Variants in SEMA5A observed in about 807,000 individuals in gnomAD.
SEMA5A encodes the protein semaphorin-5A.
Under a neutral mutation model 135.5 loss-of-function variants are expected in SEMA5A, and 55 were observed. The ratio of observed to expected loss-of-function variants is 0.41; its 90% CI spans 0.33 to 0.51. The LOEUF (loss-of-function observed/expected upper bound fraction) is 0.51, where lower values mean the gene tolerates loss of function less well. Ranked by LOEUF, SEMA5A falls within the 20% of genes least tolerant of loss-of-function variation. The pLI, the probability that SEMA5A is intolerant of heterozygous loss-of-function variation, is 0.37. For synonymous variants in SEMA5A, 580 were observed against 546.5 expected (o/e 1.06, Z -0.85); for missense variants, 1,290 against 1,419.9 (o/e 0.91, Z 1.47).
intron 5 of SEMA5A, among the ~76,000 whole-genome samples, chr5:9,311,714 G>T (rs1032624823): frequency 1.3e-5 from 2 of 151,896 alleles, no homozygotes; most frequent in Non-Finnish European, 2.9e-5. Flanking sequence ...TGCACATTGT[G>T]CCCATGTACC....
chr5:9,055,589 A>G (rs905756874), intron 18 of SEMA5A, among the ~76,000 whole-genome samples: 4 of 152,228 alleles, frequency 2.6e-5, no homozygotes, highest in Admixed American at 2.0e-4. Flanking sequence ...AGGTAAAAAG[A>G]AAGCATTTTT....
At chr5:9,369,507 G>A (rs1328476088) in intron 3 of SEMA5A, among the ~76,000 whole-genome samples, 1 of 152,058 alleles carries the variant, frequency 6.6e-6, no homozygotes, top group East Asian at 1.9e-4. Context: ...TCCCTATCAG[G>A]TAATTGTTGT....
intron 14 of SEMA5A, among the ~76,000 whole-genome samples, chr5:9,119,946 T>A (rs542038196): frequency 1.6e-4 from 25 of 152,064 alleles, no homozygotes; most frequent in East Asian, 1.6e-3. Flanking sequence ...ATTTAAAAAA[T>A]TTTTTTAATT....
intron 16 of SEMA5A, among the ~76,000 whole-genome samples, chr5:9,085,268 G>A (rs1388334465): frequency 1.3e-5 from 2 of 152,186 alleles, no homozygotes; most frequent in Non-Finnish European, 2.9e-5. Flanking sequence ...AAGTAACAAG[G>A]AGCCAAATGT....
chr5:9,471,434 G>A (rs1759474031), intron 1 of SEMA5A, among the ~76,000 whole-genome samples: 1 of 152,150 alleles, frequency 6.6e-6, no homozygotes, highest in Non-Finnish European at 1.5e-5. Context: ...CTAATTGAGT[G>A]AGTTAATTAG....
chr5:9,079,971 T>C (rs113066989), intron 16 of SEMA5A, among the ~76,000 whole-genome samples: 2 of 152,266 alleles, frequency 1.3e-5, no homozygotes, highest in African/African-American at 2.4e-5. Flanking sequence ...AATTCAACCA[T>C]TGTGGAAGAC....
At chr5:9,500,712 A>G (rs951611133) in intron 1 of SEMA5A, among the ~76,000 whole-genome samples, 11 of 152,220 alleles carry the variant, frequency 7.2e-5, no homozygotes, top group African/African-American at 2.2e-4. Flanking sequence ...GTATACTTAT[A>G]CTGAAAAATT....
chr5:9,473,604 G>A (rs1348140078), intron 1 of SEMA5A, among the ~76,000 whole-genome samples: 1 of 151,514 alleles, frequency 6.6e-6, no homozygotes, highest in Admixed American at 6.6e-5. Flanking sequence ...GGAGAGAGAG[G>A]AGGAAAGAAG....
chr5:9,342,384 T>A (rs1753690353), intron 3 of SEMA5A, among the ~76,000 whole-genome samples: 1 of 152,176 alleles, frequency 6.6e-6, no homozygotes, highest in African/African-American at 2.4e-5. Flanking sequence ...CCAGGCACAC[T>A]AAGGGCTGGC....
chr5:9,307,263 T>C (rs1751915305), intron 5 of SEMA5A, among the ~76,000 whole-genome samples: 1 of 152,206 alleles, frequency 6.6e-6, no homozygotes, highest in Non-Finnish European at 1.5e-5. Flanking sequence ...TGAAGAAGTA[T>C]TATATAAACT....
chr5:9,118,701 C>G (rs1309592816), intron 15 of SEMA5A, among the ~76,000 whole-genome samples: 1 of 152,106 alleles, frequency 6.6e-6, no homozygotes, highest in Non-Finnish European at 1.5e-5. Flanking sequence ...AGACGTACTT[C>G]CAGAGTCTCC....
intron 3 of SEMA5A, among the ~76,000 whole-genome samples, chr5:9,365,000 A>G (rs1415243589): frequency 2.0e-5 from 3 of 152,240 alleles, no homozygotes; most frequent in African/African-American, 7.2e-5. Flanking sequence ...TTGTTCAGAA[A>G]GAGCCCTTAT....
chr5:9,197,495 C>A (rs1806085), intron 9 of SEMA5A, among the ~76,000 whole-genome samples, 192 bp from the exon 10 acceptor site: 1 of 152,132 alleles, frequency 6.6e-6, no homozygotes, highest in Non-Finnish European at 1.5e-5. Context: ...CATCTTGGTA[C>A]AGAAACCAGG....
intron 5 of SEMA5A, among the ~76,000 whole-genome samples, chr5:9,297,303 TG>T (rs1317363750): frequency 6.6e-6 from 1 of 152,132 alleles, no homozygotes; most frequent in Non-Finnish European, 1.5e-5. Context: ...CACATAGCTG[TG>T]GTGTGAATGA....
intron 2 of SEMA5A, among the ~76,000 whole-genome samples, chr5:9,400,144 A>T (rs908764581): frequency 2.0e-5 from 3 of 152,110 alleles, no homozygotes; most frequent in Non-Finnish European, 4.4e-5. Context: ...AACATCACAC[A>T]CCAGGGCCTG....
rs563521611 is a variant in SEMA5A at position 9,242,796 on chromosome 5, A to G, written c.271-4906T>C. On this transcript the variant is annotated intron_variant, in intron 5 of 22. Coordinates refer to ENST00000382496, the MANE Select transcript of SEMA5A (RefSeq NM_003966.3). ...AATTTTTTTTTAAATGATCAATTTC[A>G]AAATTTAGAAATTAACTTAAAAAAG... 1.2e-3 allele frequency among the ~76,000 whole-genome samples: 178 copies of G among 152,340 alleles called. 1 individual carries two copies. The highest frequency in any genetic ancestry group is 1.4e-3 in the Non-Finnish European group (94 of 68,026).
intron 5 of SEMA5A, among the ~76,000 whole-genome samples, chr5:9,291,431 C>T (rs986781933): frequency 1.3e-5 from 2 of 152,162 alleles, no homozygotes; most frequent in Non-Finnish European, 1.5e-5. Flanking sequence ...CCAGGCATGG[C>T]CTTAACTGGC....
intron 9 of SEMA5A, among the ~76,000 whole-genome samples, chr5:9,197,975 G>T (rs1265265666): frequency 1.3e-5 from 2 of 152,046 alleles, no homozygotes; most frequent in Non-Finnish European, 2.9e-5. Context: ...TAGAATTCAG[G>T]CTCTGAGAGA....
intron 13 of SEMA5A, among the ~76,000 whole-genome samples, chr5:9,134,588 C>T (rs1275839495): frequency 6.6e-6 from 1 of 152,172 alleles, no homozygotes; most frequent in Non-Finnish European, 1.5e-5. Context: ...GTTGAGGGTC[C>T]CACGGGGACA....
Sources: allele counts gnomAD v4.1 joint callset (sites outside exome capture counted in the v4.1 genomes callset), GRCh38; gene constraint gnomAD v4.1.1; transcripts MANE v1.5; gene names NCBI Gene and HGNC (gene_info 2026-07-23, HGNC 2026-07-21).